Variants in IRAG1 observed in about 807,000 individuals in gnomAD.
The protein encoded by IRAG1 is inositol 1,4,5-triphosphate receptor associated 1.
IRAG1 carries 62 observed loss-of-function variants against 106.2 expected under a neutral mutation model. That is an observed-to-expected ratio of 0.58 (90% confidence interval 0.48 to 0.72). IRAG1 has a LOEUF of 0.72. Among genes scored for constraint, IRAG1 ranks in the 30% least tolerant of loss-of-function variants. The probability of loss-of-function intolerance (pLI) is 0.00; values close to 1 mark genes in which losing one functional copy is unlikely to be tolerated. For missense variants in IRAG1, 1,064 were observed against 1,140.7 expected, an observed-to-expected ratio of 0.93 and a Z score of 0.97; for synonymous variants, 462 against 443.9, an observed-to-expected ratio of 1.04 and a Z score of -0.51.
chr11:10,576,593 T>A lies in IRAG1; in HGVS notation c.2496-18A>T, dbSNP rs761918550. The A allele has an allele frequency of 6.2e-6, 10 of 1,613,458 alleles. No individual in the cohort carries two copies. The African/African-American group carries it at 9.3e-5, about 15-fold the overall frequency. On this transcript the variant is annotated intron_variant, in intron 20 of 20. Coordinates refer to ENST00000423302, the MANE Select transcript of IRAG1 (RefSeq NM_130385.4). ...CAAGTTTGCTGTCAATGAAAAAAAA[T>A]ATGCAGAGGCTTTAGTATACTGGGC...
chr11:10,682,751 G>C (rs907302216), intron 1 of IRAG1, among the ~76,000 whole-genome samples: 3 of 152,120 alleles, frequency 2.0e-5, no homozygotes, highest in African/African-American at 7.2e-5. Flanking sequence ...TAAATAAGTG[G>C]GTGATGACAT....
chr11:10,640,590 T>G (rs1490253475), intron 2 of IRAG1, among the ~76,000 whole-genome samples: 1 of 152,170 alleles, frequency 6.6e-6, no homozygotes, highest in Non-Finnish European at 1.5e-5. Flanking sequence ...GAGACAGTAA[T>G]CCAGGAGAGA....
chr11:10,592,718 T>TC lies in IRAG1; in HGVS notation c.2175+773_2175+774insG, dbSNP rs529156407. Among the ~76,000 whole-genome samples, 821 of 152,328 alleles carry TC rather than the reference T, an allele frequency of 5.4e-3. 8 individuals carry two copies. The highest frequency in any genetic ancestry group is 7.2e-3 in the Non-Finnish European group (487 of 68,022). On this transcript the variant is annotated intron_variant, in intron 17 of 20. Transcript: ENST00000423302. ...AGAAATGGAAATGTATTTTTCCTGA[T>TC]TATTACCAATACATTCTTATTATAG...
In IRAG1 at chr11:10,626,020, G is replaced by A. The variant is rs1480192747; in HGVS notation, c.1314C>T (p.Asp438=). 3 of 1,508,784 alleles carry A rather than the reference G, an allele frequency of 2.0e-6. No individual in the cohort carries two copies. In the African/African-American group the frequency reaches 4.2e-5, roughly 21 times the overall value. 93.5% of individuals were successfully genotyped at this position (1,508,784 alleles called of 1,614,324 possible). The change falls in exon 9 of 21, where the codon GAC becomes GAT. Residue 438 remains aspartate, a synonymous_variant. Coordinates refer to ENST00000423302, the MANE Select transcript of IRAG1 (RefSeq NM_130385.4). ...GCACGGGCTGCACTTGTATCTGAAAGTCTTTGAGACCAGGGGCCTTGGCCA... is the reference window on the plus strand; with the variant it reads ...GCACGGGCTGCACTTGTATCTGAAAATCTTTGAGACCAGGGGCCTTGGCCA... ...GKLAKAPGLK[D]FQIQVQPVRM...
rs572145628 is a variant in IRAG1 at position 10,588,600 on chromosome 11, C to T, written c.2240+2948G>A. Among the ~76,000 whole-genome samples, 3 of 152,340 alleles carry T rather than the reference C, an allele frequency of 2.0e-5. No individual in the cohort carries two copies. The East Asian group carries it at 5.8e-4, about 29-fold the overall frequency. ...TCTTGAGCTCAAGTCATCCACTTGC[C>T]TTGGCCTCCCAAAGTGCTGGGGTTA... On this transcript the variant is annotated intron_variant, in intron 18 of 20. Transcript: ENST00000423302.
intron 19 of IRAG1, among the ~76,000 whole-genome samples, chr11:10,581,446 T>G (rs1000905846): frequency 6.6e-6 from 1 of 152,000 alleles, no homozygotes; most frequent in African/African-American, 2.4e-5. Flanking sequence ...TTGAAGAGAC[T>G]CCATTTATAG....
intron 10 of IRAG1, among the ~76,000 whole-genome samples, chr11:10,616,207 G>A (rs1050935388): frequency 2.0e-5 from 3 of 151,204 alleles, no homozygotes; most frequent in East Asian, 2.0e-4. Flanking sequence ...GAAGGAGAGC[G>A]GCGTGAATCC....
At chr11:10,581,760 C>A in intron 19 of IRAG1, 107 bp downstream of exon 19, 1 of 1,364,908 alleles carries the variant, frequency 7.3e-7, no homozygotes, top group Non-Finnish European at 9.8e-7. Context: ...GGAGGTCCTG[C>A]GGCCACTGGT....
In IRAG1 at chr11:10,629,761, A is replaced by G. The variant is rs968058010; in HGVS notation, c.401-50T>C. On this transcript the variant is annotated intron_variant, in intron 4 of 20. Coordinates refer to ENST00000423302, the MANE Select transcript of IRAG1 (RefSeq NM_130385.4). ...TGAGAGCCACTGCATCCGTGGCCCC[A>G]GGCTGAGGTCATGCCATACCATGCC... 3 of 1,576,082 alleles carry G rather than the reference A, an allele frequency of 1.9e-6. No homozygotes were observed. The East Asian group carries it at 6.8e-5, about 36-fold the overall frequency.
rs143446007 is a variant in IRAG1, at chr11:10,575,914, A to T, written c.*418T>A. 58 of 188,992 alleles carry T rather than the reference A, an allele frequency of 3.1e-4. No homozygotes were observed. The highest frequency in any genetic ancestry group is 1.3e-3 in the African/African-American group (57 of 43,704). The allele number at this position is 188,992 out of a possible 1,614,324, so 11.7% of individuals were successfully genotyped here. On this transcript the variant is annotated 3_prime_UTR_variant, in exon 21 of 21. Coordinates refer to ENST00000423302, the MANE Select transcript of IRAG1 (RefSeq NM_130385.4). ...ATGCTTAGGGTGTTAGTCATTAAGCAAATTCTTCCTGATAACCAATTACAG... is the reference window on the plus strand; with the variant it reads ...ATGCTTAGGGTGTTAGTCATTAAGCTAATTCTTCCTGATAACCAATTACAG...
At chr11:10,620,851 C>T (rs536431323) in intron 10 of IRAG1, among the ~76,000 whole-genome samples, 34 of 152,218 alleles carry the variant, frequency 2.2e-4, no homozygotes, top group Admixed American at 1.9e-3. Context: ...GAACAACTAA[C>T]GGTCCATAAT....
rs1472308854 is a variant in IRAG1, at chr11:10,628,119, T to G, written c.653-94A>C. On this transcript the variant is annotated intron_variant, in intron 6 of 20. Coordinates refer to ENST00000423302, the MANE Select transcript of IRAG1 (RefSeq NM_130385.4). This position sits in a 1 kb window ranked among gnomAD's most constrained non-coding sequence, Gnocchi z 4.1. ...TCTCCCTCCCCGGGCTATCCTCCCT[T>G]TGCAATCTCAGGCCTGGAAGATTTG... is the stretch of plus-strand genomic sequence containing the variant. 1 of 1,379,216 alleles carries G rather than the reference T, an allele frequency of 7.3e-7. No individual in the cohort carries two copies. Among genetic ancestry groups the G allele is most frequent in the Non-Finnish European group, 1.0e-6 (1 of 983,468 alleles). 85.4% of individuals were successfully genotyped at this position (1,379,216 alleles called of 1,614,324 possible).
intron 4 of IRAG1, among the ~76,000 whole-genome samples, chr11:10,630,755 A>G (rs2134624886): frequency 6.6e-6 from 1 of 152,344 alleles, no homozygotes; most frequent in Non-Finnish European, 1.5e-5. Flanking sequence ...CTGTGTCTGC[A>G]GTGAACAGCT....
Position 10,593,481 on chromosome 11 carries a change from G to A in IRAG1, c.2175+11C>T, listed in dbSNP as rs371950589. On this transcript the variant is annotated intron_variant, in intron 17 of 20. Coordinates refer to ENST00000423302, the MANE Select transcript of IRAG1 (RefSeq NM_130385.4). ...TATTCTGTGCTGGGAGGCAGACATC[G>A]TCATACTTACCAAGGCTGGTAAGGA... 23 of 1,606,676 alleles carry A rather than the reference G, an allele frequency of 1.4e-5. No individual in the cohort carries two copies. Among genetic ancestry groups the A allele is most frequent in the Admixed American group, 3.3e-5 (2 of 59,986 alleles).
At chr11:10,590,279 C>CAG (rs753486175) in intron 18 of IRAG1, among the ~76,000 whole-genome samples, 3 of 152,056 alleles carry the variant, frequency 2.0e-5, no homozygotes, top group Admixed American at 6.5e-5. Context: ...CAAGAAAAGA[C>CAG]AGAGAGAGAG....
intron 2 of IRAG1, among the ~76,000 whole-genome samples, chr11:10,651,222 C>A (rs897103206): frequency 9.9e-5 from 15 of 152,122 alleles, no homozygotes; most frequent in Non-Finnish European, 5.9e-5. Context: ...GAAAATACGA[C>A]GAGGATGATG....
At chr11:10,652,487 A>G (rs1858604729) in intron 1 of IRAG1, 2 of 566,474 alleles carry the variant, frequency 3.5e-6, no homozygotes, top group Non-Finnish European at 5.6e-6. Flanking sequence ...AAGATACTCC[A>G]TTGAGATCAC....
At chr11:10,690,276 G>A in intron 1 of IRAG1, 1 of 621,858 alleles carries the variant, frequency 1.6e-6, no homozygotes, top group South Asian at 1.7e-5. Flanking sequence ...TGTAATCCCA[G>A]CTACTTGGGA....
chr11:10,658,852 C>T (rs1356427020), intron 1 of IRAG1, among the ~76,000 whole-genome samples: 1 of 151,072 alleles, frequency 6.6e-6, no homozygotes, highest in Non-Finnish European at 1.5e-5. Context: ...GTGCTCACCC[C>T]ATGTCTGTGC....
Sources: gnomAD v4.1 joint callset for allele counts (sites outside exome capture counted in the v4.1 genomes callset) on GRCh38, gnomAD v4.1.1 for gene constraint, Gnocchi (gnomAD v3.1) non-coding constraint, MANE v1.5 for transcripts, NCBI Gene and HGNC (gene_info 2026-07-23, HGNC 2026-07-21) for gene names.